G3BP1: variants seen among roughly 807,000 people sequenced by gnomAD.
G3BP1 encodes the protein G3BP stress granule assembly factor 1.
A neutral mutation model predicts 58.6 loss-of-function variants in G3BP1; 35 were observed. That is an observed-to-expected ratio of 0.60 (90% confidence interval 0.46 to 0.79). The LOEUF is 0.79. Among genes scored for constraint, G3BP1 ranks in the 30% least tolerant of loss-of-function variants. G3BP1 has a pLI of 0.00. For missense variants in G3BP1, 523 were observed against 580.8 expected (o/e 0.90, Z 1.02); for synonymous variants, 191 against 195.4 (o/e 0.98, Z 0.19).
chr5:151,798,412 G>T (rs1411295507), intron 7 of G3BP1, among the ~76,000 whole-genome samples: 3 of 152,062 alleles, frequency 2.0e-5, no homozygotes, highest in Admixed American at 2.0e-4. Context: ...CCACTTAGTT[G>T]GTTATTATAG....
rs775593755 is a variant in G3BP1 at position 151,800,888 on chromosome 5, TGA to T, written c.1194+20_1194+21del. On this transcript the variant is annotated intron_variant, in intron 11 of 11. Transcript: ENST00000356245. ...CAACAGGGTAAGCAGCTTTTTGTCT[TGA>T]TTTTTTTTTTTTTTTTTTAAAAAGG... is the stretch of plus-strand genomic sequence containing the variant. The T allele has an allele frequency of 6.5e-6, 8 of 1,234,800 alleles. No homozygotes were observed. The highest frequency in any genetic ancestry group is 2.6e-5 in the South Asian group (2 of 76,722). 76.5% of individuals were successfully genotyped at this position (1,234,800 alleles called of 1,614,324 possible).
chr5:151,795,392 C>T (rs1209760366), intron 5 of G3BP1, 87 bp from the exon 6 acceptor site: 1 of 701,166 alleles, frequency 1.4e-6, no homozygotes, highest in Non-Finnish European at 2.5e-6. Flanking sequence ...TGTTTTTCTT[C>T]ACTGTTGTTT....
intron 11 of G3BP1, among the ~76,000 whole-genome samples, chr5:151,801,818 T>A (rs977059480): frequency 6.6e-6 from 1 of 151,782 alleles, no homozygotes; most frequent in South Asian, 2.1e-4. Flanking sequence ...TTTATTTTTT[T>A]ATTTTTTTTT....
intron 1 of G3BP1, among the ~76,000 whole-genome samples, chr5:151,786,147 G>A (rs1030856456): frequency 2.0e-5 from 3 of 152,146 alleles, no homozygotes; most frequent in African/African-American, 7.2e-5. Context: ...AAATTAGCCG[G>A]GCATGATGGC....
chr5:151,785,176 A>G (rs910668596), intron 1 of G3BP1, among the ~76,000 whole-genome samples: 4 of 152,198 alleles, frequency 2.6e-5, no homozygotes, highest in African/African-American at 9.7e-5. Context: ...CATTAGTCTA[A>G]GACTTAGGAT....
chr5:151,778,982 G>A (rs1762420603), intron 1 of G3BP1, among the ~76,000 whole-genome samples: 1 of 151,900 alleles, frequency 6.6e-6, no homozygotes. Flanking sequence ...GCTTGAACCT[G>A]GGAGGTGGAG....
chr5:151,794,748 G>A (rs904780489), intron 5 of G3BP1, among the ~76,000 whole-genome samples: 1 of 152,224 alleles, frequency 6.6e-6, no homozygotes, highest in Middle Eastern at 3.2e-3. Flanking sequence ...TAGACACAGA[G>A]ACTTATGGAA....
At chr5:151,801,502 A>G (rs151274878) in intron 11 of G3BP1, among the ~76,000 whole-genome samples, 1,685 of 152,334 alleles carry the variant, frequency 0.011, 30 homozygotes, top group African/African-American at 0.039. Flanking sequence ...TTAATTTACT[A>G]AGCTATACTT....
At chr5:151,801,896 C>T (rs1469733300) in intron 11 of G3BP1, among the ~76,000 whole-genome samples, 4 of 151,944 alleles carry the variant, frequency 2.6e-5, no homozygotes, top group African/African-American at 7.3e-5. Context: ...CTCACTGCAA[C>T]CTCCACATCC....
At chr5:151,794,327 T>C in intron 5 of G3BP1, 78 bp downstream of exon 5, 1 of 767,384 alleles carries the variant, frequency 1.3e-6, no homozygotes. Context: ...GACTATGGGT[T>C]TCTTTACTGT....
chr5:151,773,643 T>TTATATATAAAGG (rs1762317035), intron 1 of G3BP1, among the ~76,000 whole-genome samples: 3 of 152,238 alleles, frequency 2.0e-5, no homozygotes, highest in Non-Finnish European at 4.4e-5. Flanking sequence ...TCTATAATCG[T>TTATATATAAAGG]GTTCTGGAAA....
At chr5:151,772,138 A>G (rs1015540500) in intron 1 of G3BP1, 102 bp downstream of exon 1, 8 of 151,480 alleles carry the variant, frequency 5.3e-5, no homozygotes, top group African/African-American at 1.9e-4. Context: ...CGGCCGCGCC[A>G]GTCGCGTCCC....
At position 151,797,275 on chromosome 5, in the gene G3BP1, T is replaced by C. The variant is rs773167998; in HGVS notation, c.588T>C (p.Pro196=). Residue 196 remains proline (P), a synonymous_variant, in exon 7 of 12, where the codon CCT becomes CCC. Transcript: ENST00000356245. ...AGGAGCCTGTTGCTGAACCAGAGCC[T>C]GATCCTGAACCAGAACCAGAACAAG... ...HLEEPVAEPE[P]DPEPEPEQEP... The C allele has an allele frequency of 1.2e-6, 2 of 1,612,914 alleles. No homozygotes were observed. Among genetic ancestry groups the C allele is most frequent in the East Asian group, 2.2e-5 (1 of 44,870 alleles).
intron 7 of G3BP1, 64 bp downstream of exon 7, chr5:151,797,492 C>T (rs1762775393): frequency 6.7e-7 from 1 of 1,502,390 alleles, no homozygotes; most frequent in Non-Finnish European, 9.0e-7. Context: ...AGTTTCTGTT[C>T]TTTTGTATTG....
intron 1 of G3BP1, among the ~76,000 whole-genome samples, chr5:151,778,739 A>G (rs988690287): frequency 1.3e-5 from 2 of 149,600 alleles, no homozygotes; most frequent in Non-Finnish European, 3.0e-5. Flanking sequence ...TACTTTATAT[A>G]TTCTGGATAG....
intron 1 of G3BP1, among the ~76,000 whole-genome samples, chr5:151,783,075 T>C (rs1005261761): frequency 6.6e-6 from 1 of 151,986 alleles, no homozygotes; most frequent in African/African-American, 2.4e-5. Flanking sequence ...GTCAGGCTGG[T>C]GTTGAACTCC....
chr5:151,807,459 C>G lies in G3BP1; in HGVS notation c.*3368C>G, dbSNP rs1312436730. The G allele has an allele frequency of 2.0e-5, 3 of 152,124 alleles. No individual in the cohort carries two copies. The highest frequency in any genetic ancestry group is 4.4e-5 in the Non-Finnish European group (3 of 68,010). The allele number at this position is 152,124 out of a possible 1,614,324, so 9.4% of individuals were successfully genotyped here. A position where few individuals can be genotyped will look rare whatever the true frequency, so the allele number is the denominator to read the frequency against. On this transcript the variant is annotated 3_prime_UTR_variant, in exon 12 of 12. Transcript: ENST00000356245. Reference sequence around the variant, plus strand: ...TCAGAACAAGGTTAACATTACAGTTCTTAATTTCCTTTAGGGCAAACAAGA... The same window carrying G: ...TCAGAACAAGGTTAACATTACAGTTGTTAATTTCCTTTAGGGCAAACAAGA...
At chr5:151,790,245 A>AT in intron 2 of G3BP1, 78 bp from the exon 3 acceptor site, 1 of 724,464 alleles carries the variant, frequency 1.4e-6, no homozygotes, top group South Asian at 1.8e-5. Context: ...AAAAAAAAAA[A>AT]AGTTTGCCAG....
chr5:151,786,032 G>A (rs1352370089), intron 1 of G3BP1, among the ~76,000 whole-genome samples: 5 of 152,298 alleles, frequency 3.3e-5, no homozygotes, highest in African/African-American at 7.2e-5. Context: ...TGTGGCTCAC[G>A]CCTGTAATCC....
Sources: gnomAD v4.1 joint callset for allele counts (sites outside exome capture counted in the v4.1 genomes callset) on GRCh38, gnomAD v4.1.1 for gene constraint, MANE v1.5 for transcripts, NCBI Gene and HGNC (gene_info 2026-07-23, HGNC 2026-07-21) for gene names.